The following CNOT4 variants were observed in gnomAD, a reference collection of about 807,000 sequenced individuals.
The protein encoded by CNOT4 is CCR4-associated factor 4.
In CNOT4, 8 loss-of-function variants were observed where a neutral mutation model predicts 73.8. That is an observed-to-expected ratio of 0.11 (90% CI 0.06 to 0.20). CNOT4 has a LOEUF of 0.20. CNOT4 is among the 10% of genes least tolerant of loss of function. CNOT4 has a pLI of 1.00. For synonymous variants in CNOT4, 293 were observed against 321.1 expected, an observed-to-expected ratio of 0.91 and a Z score of 0.94; for missense variants, 564 against 883.4, an observed-to-expected ratio of 0.64 and a Z score of 4.58.
chr7:135,455,408 T>C (rs1418967395), intron 1 of CNOT4, among the ~76,000 whole-genome samples: 1 of 152,204 alleles, frequency 6.6e-6, no homozygotes, highest in Non-Finnish European at 1.5e-5. Flanking sequence ...GTGCTAGTTT[T>C]ACTAATCTTG....
At chr7:135,398,373 T>C in intron 7 of CNOT4, 147 bp from the exon 8 acceptor site, 1 of 595,264 alleles carries the variant, frequency 1.7e-6, no homozygotes, top group South Asian at 2.1e-5. Context: ...ATTGATTAAA[T>C]GTTGAGGACA....
chr7:135,510,069 G>T lies in CNOT4; in HGVS notation c.-273C>A, dbSNP rs3750070. On this transcript the variant is annotated 5_prime_UTR_variant, in exon 1 of 12. Coordinates refer to ENST00000541284, the MANE Select transcript of CNOT4 (RefSeq NM_001190850.2). ...CTTTCGGTGGGTTCCACAGCCAGAC[G>T]GGCCACCATCTTACATTAGGGTAAG... is the stretch of plus-strand genomic sequence containing the variant. The T allele has an allele frequency of 1.8e-5, 7 of 399,120 alleles. No homozygotes were observed. In the Admixed American group the frequency reaches 1.8e-4, roughly 10 times the overall value. The allele number at this position is 399,120 out of a possible 1,614,324, so 24.7% of individuals were successfully genotyped here.
At chr7:135,370,137 G>T (rs1222665390) in intron 10 of CNOT4, among the ~76,000 whole-genome samples, 1 of 152,132 alleles carries the variant, frequency 6.6e-6, no homozygotes, top group Non-Finnish European at 1.5e-5. Context: ...TATAATGCAA[G>T]ACACACCAAT....
At chr7:135,429,365 G>A (rs1373997010) in intron 2 of CNOT4, among the ~76,000 whole-genome samples, 1 of 152,080 alleles carries the variant, frequency 6.6e-6, no homozygotes, top group Non-Finnish European at 1.5e-5. Flanking sequence ...TTAGGAAAAA[G>A]AGCAGTCCCC....
intron 3 of CNOT4, among the ~76,000 whole-genome samples, chr7:135,415,787 T>C (rs1038252327): frequency 1.3e-5 from 2 of 152,190 alleles, no homozygotes; most frequent in Non-Finnish European, 2.9e-5. Flanking sequence ...CAACCCTCTA[T>C]GCTTTATGAT....
At chr7:135,457,372 T>C (rs2551766) in intron 1 of CNOT4, among the ~76,000 whole-genome samples, 79,239 of 151,798 alleles carry the variant, frequency 0.52, 21,080 homozygotes, top group East Asian at 0.71. Flanking sequence ...ATGATTTGGC[T>C]AAGTCAAAAT....
chr7:135,509,744 A>G, intron 1 of CNOT4, 145 bp downstream of exon 1: 1 of 295,324 alleles, frequency 3.4e-6, no homozygotes, highest in Non-Finnish European at 6.2e-6. Flanking sequence ...AGGAGGAGGA[A>G]GAAGACCAAG....
intron 10 of CNOT4, 73 bp downstream of exon 10, chr7:135,393,845 T>TA (rs1796528857): frequency 1.0e-6 from 1 of 968,536 alleles, no homozygotes; most frequent in Non-Finnish European, 1.6e-6. Flanking sequence ...ATTCAACAGT[T>TA]ACTTCCCTAT....
intron 4 of CNOT4, 141 bp downstream of exon 4, chr7:135,415,035 C>T (rs1797783370): frequency 3.2e-6 from 2 of 625,072 alleles, no homozygotes; most frequent in South Asian, 2.2e-5. Flanking sequence ...AAATCCCCCA[C>T]CCCACCAACA....
chr7:135,478,315 T>G (rs916344086), intron 1 of CNOT4, among the ~76,000 whole-genome samples: 1 of 152,208 alleles, frequency 6.6e-6, no homozygotes, highest in Non-Finnish European at 1.5e-5. Flanking sequence ...ACATTTATGA[T>G]AGATGTATGT....
intron 7 of CNOT4, among the ~76,000 whole-genome samples, chr7:135,409,268 G>A (rs1283222529): frequency 6.6e-6 from 1 of 152,120 alleles, no homozygotes; most frequent in African/African-American, 2.4e-5. Context: ...CTAGAAAAGG[G>A]TGGGTACAAA....
chr7:135,471,356 A>T (rs1801564924), intron 1 of CNOT4, among the ~76,000 whole-genome samples: 1 of 152,150 alleles, frequency 6.6e-6, no homozygotes, highest in African/African-American at 2.4e-5. Context: ...GAAACTTAAG[A>T]CACTTTATTA....
intron 1 of CNOT4, among the ~76,000 whole-genome samples, chr7:135,504,481 T>A (rs1563088757): frequency 1.8e-4 from 10 of 54,756 alleles, no homozygotes; most frequent in Admixed American, 1.1e-3. Context: ...TTTTTTTTTT[T>A]TTTTTTTTAT....
intron 1 of CNOT4, among the ~76,000 whole-genome samples, chr7:135,460,162 T>C (rs1800790381): frequency 6.6e-6 from 1 of 152,260 alleles, no homozygotes; most frequent in African/African-American, 2.4e-5. Context: ...TTTCATCTTC[T>C]AGGCAGACGA....
chr7:135,474,366 C>A lies in CNOT4; in HGVS notation c.-93+35523G>T, dbSNP rs376731942. Among the ~76,000 whole-genome samples the A allele has an allele frequency of 9.9e-4, 146 of 147,446 alleles. 1 individual carries two copies. The highest frequency in any genetic ancestry group is 3.5e-3 in the African/African-American group (139 of 39,626). On this transcript the variant is annotated intron_variant, in intron 1 of 11. Transcript: ENST00000541284. ...GAGGCGTGATCTCAGCTCACTGCAACCTTCATCTCCTGGGTTCGAGCAATT... is the reference window on the plus strand; with the variant it reads ...GAGGCGTGATCTCAGCTCACTGCAAACTTCATCTCCTGGGTTCGAGCAATT...
At chr7:135,431,339 C>G (rs988854299) in intron 2 of CNOT4, among the ~76,000 whole-genome samples, 5 of 152,144 alleles carry the variant, frequency 3.3e-5, no homozygotes, top group Non-Finnish European at 5.9e-5. Context: ...CACATAATCA[C>G]CTATGTAGAA....
intron 1 of CNOT4, among the ~76,000 whole-genome samples, chr7:135,479,495 C>T (rs1051478117): frequency 2.0e-5 from 3 of 151,894 alleles, no homozygotes; most frequent in Non-Finnish European, 4.4e-5. Context: ...AGGCATGAGC[C>T]ACCGCGCCCA....
intron 10 of CNOT4, among the ~76,000 whole-genome samples, chr7:135,372,381 C>T (rs1585545744): frequency 6.6e-6 from 1 of 152,182 alleles, no homozygotes; most frequent in East Asian, 1.9e-4. Flanking sequence ...TTGCAAATAC[C>T]ACAGTGTATT....
At chr7:135,401,072 T>C (rs1796976579) in intron 7 of CNOT4, among the ~76,000 whole-genome samples, 1 of 152,104 alleles carries the variant, frequency 6.6e-6, no homozygotes, top group Admixed American at 6.5e-5. Flanking sequence ...AAAACTATAT[T>C]TACAAATTCC....
Sources: allele counts gnomAD v4.1 joint callset (sites outside exome capture counted in the v4.1 genomes callset), GRCh38; gene constraint gnomAD v4.1.1; transcripts MANE v1.5; gene names NCBI Gene and HGNC (gene_info 2026-07-23, HGNC 2026-07-21).